The following DOCK2 variants were observed in gnomAD, a reference collection of about 807,000 sequenced individuals.
The protein encoded by DOCK2 is dedicator of cytokinesis protein 2.
A neutral mutation model predicts 248.9 loss-of-function variants in DOCK2; 87 were observed. That is an observed-to-expected ratio of 0.35 (90% confidence interval 0.29 to 0.42). The LOEUF (loss-of-function observed/expected upper bound fraction) is 0.42. DOCK2 is among the 10% of genes least tolerant of loss of function. The pLI is 1.00. For synonymous variants in DOCK2, 805 were observed against 821.6 expected, an observed-to-expected ratio of 0.98 and a Z score of 0.35; for missense variants, 1,747 against 2,300.2, an observed-to-expected ratio of 0.76 and a Z score of 4.92.
At chr5:169,985,395 A>C in intron 28 of DOCK2, among the ~76,000 whole-genome samples, 1 of 83,946 alleles carries the variant, frequency 1.2e-5, no homozygotes. Flanking sequence ...GTGTGTGTGT[A>C]TGTGTGTGAC....
At chr5:169,844,381 C>T (rs557649029) in intron 27 of DOCK2, among the ~76,000 whole-genome samples, 6 of 152,304 alleles carry the variant, frequency 3.9e-5, no homozygotes, top group East Asian at 1.9e-4. Context: ...ACTGTGTGTG[C>T]GTGATGGGGC....
At chr5:169,978,565 A>G (rs1463565237) in intron 27 of DOCK2, among the ~76,000 whole-genome samples, 1 of 152,118 alleles carries the variant, frequency 6.6e-6, no homozygotes, top group Non-Finnish European at 1.5e-5. Flanking sequence ...CCTGATCACA[A>G]TCACCTAGTA....
chr5:170,013,905 A>C (rs1283062587), intron 32 of DOCK2, among the ~76,000 whole-genome samples: 2 of 152,112 alleles, frequency 1.3e-5, no homozygotes, highest in Non-Finnish European at 2.9e-5. Flanking sequence ...ATTGCACTGA[A>C]TAGTTACCTA....
At chr5:169,856,466 A>G (rs1770900456) in intron 27 of DOCK2, among the ~76,000 whole-genome samples, 1 of 152,174 alleles carries the variant, frequency 6.6e-6, no homozygotes, top group Non-Finnish European at 1.5e-5. Context: ...GGTGCATATT[A>G]GTGGAGATGA....
chr5:169,706,828 G>A (rs889151831), intron 14 of DOCK2, among the ~76,000 whole-genome samples: 4 of 152,168 alleles, frequency 2.6e-5, no homozygotes, highest in South Asian at 2.1e-4. Context: ...TCCATACCTC[G>A]GAAGCACAAG....
chr5:169,852,404 G>A (rs1229999890), intron 27 of DOCK2, among the ~76,000 whole-genome samples: 1 of 152,184 alleles, frequency 6.6e-6, no homozygotes, highest in Non-Finnish European at 1.5e-5. Flanking sequence ...CTCCATCCCT[G>A]ACATTGCTTT....
At chr5:169,982,009 T>A (rs141463334) in intron 27 of DOCK2, among the ~76,000 whole-genome samples, 1 of 152,120 alleles carries the variant, frequency 6.6e-6, no homozygotes, top group Admixed American at 6.5e-5. Flanking sequence ...TATTTGTTAT[T>A]TTATTAACAA....
At chr5:169,897,860 A>G (rs768166713) in intron 27 of DOCK2, among the ~76,000 whole-genome samples, 1 of 152,142 alleles carries the variant, frequency 6.6e-6, no homozygotes, top group Non-Finnish European at 1.5e-5. Flanking sequence ...AGAGGAGTGG[A>G]CTCTCAAAAG....
At chr5:169,998,929 A>G (rs988530957) in intron 30 of DOCK2, among the ~76,000 whole-genome samples, 2 of 152,206 alleles carry the variant, frequency 1.3e-5, no homozygotes, top group African/African-American at 4.8e-5. Context: ...GGGTATGTTT[A>G]GGGAAGTTTC....
chr5:169,698,904 A>C (rs993000293), intron 11 of DOCK2, among the ~76,000 whole-genome samples: 1 of 152,182 alleles, frequency 6.6e-6, no homozygotes, highest in Admixed American at 6.5e-5. Flanking sequence ...AGACGTATCC[A>C]TGACTTAGGA....
intron 27 of DOCK2, among the ~76,000 whole-genome samples, chr5:169,939,051 G>GCC (rs1776118671): frequency 2.0e-5 from 3 of 151,138 alleles, no homozygotes; most frequent in Admixed American, 6.6e-5. Context: ...CTACAGGCAT[G>GCC]CACCACCACG....
At chr5:169,883,071 A>G in intron 27 of DOCK2, 2 of 1,551,682 alleles carry the variant, frequency 1.3e-6, no homozygotes, top group Non-Finnish European at 1.7e-6. Flanking sequence ...AAAGCAATTC[A>G]GGTTTAAGTT....
chr5:169,689,430 G>A, intron 9 of DOCK2, 97 bp downstream of exon 9: 1 of 1,272,194 alleles, frequency 7.9e-7, no homozygotes, highest in Non-Finnish European at 1.1e-6. Context: ...AAGTGTGGCT[G>A]TCCTGCAGAG....
At chr5:169,682,187 G>C (rs962366047) in intron 7 of DOCK2, among the ~76,000 whole-genome samples, 75 of 152,368 alleles carry the variant, frequency 4.9e-4, no homozygotes, top group African/African-American at 1.8e-3. Context: ...ATTAATTCCA[G>C]ATGAGTGTAT....
Position 169,637,295 on chromosome 5 carries a change from C to G in DOCK2, c.-32C>G, listed in dbSNP as rs1227139775. ...CGCCCAGCCACCCCCTGACGGCTTC[C>G]CCACGGGAGGACGCGAGGCCCCGGC... On this transcript the variant is annotated 5_prime_UTR_variant, in exon 1 of 52. Coordinates refer to ENST00000520908, the MANE Select transcript of DOCK2 (RefSeq NM_004946.3). 1.4e-6 allele frequency: 2 copies of G among 1,431,870 alleles called. No individual in the cohort carries two copies. The highest frequency in any genetic ancestry group is 1.5e-5 in the African/African-American group (1 of 67,178). The allele number at this position is 1,431,870 out of a possible 1,614,324, so 88.7% of individuals were successfully genotyped here.
chr5:169,774,082 T>A (rs2113779231), intron 25 of DOCK2, among the ~76,000 whole-genome samples: 1 of 152,302 alleles, frequency 6.6e-6, no homozygotes, highest in African/African-American at 2.4e-5. Flanking sequence ...ATCCTGAGAC[T>A]TTTATGTTGA....
At chr5:169,879,952 G>A (rs1312351585) in intron 27 of DOCK2, among the ~76,000 whole-genome samples, 1 of 152,184 alleles carries the variant, frequency 6.6e-6, no homozygotes, top group Admixed American at 6.5e-5. Context: ...AAATTTAAAT[G>A]GAGGTTAGTT....
At chr5:169,737,786 C>T (rs1168707517) in intron 22 of DOCK2, among the ~76,000 whole-genome samples, 1 of 152,218 alleles carries the variant, frequency 6.6e-6, no homozygotes, top group Non-Finnish European at 1.5e-5. Flanking sequence ...GGCATGGAAG[C>T]TCCGCATACC....
At position 169,684,179 on chromosome 5, in the gene DOCK2, T is replaced by C; in HGVS notation, c.607-17T>C. 6.2e-7 allele frequency: 1 copy of C among 1,613,194 alleles called. No individual in the cohort carries two copies. The highest frequency in any genetic ancestry group is 8.5e-7 in the Non-Finnish European group (1 of 1,179,314). On this transcript the variant is annotated splice_polypyrimidine_tract_variant and intron_variant, in intron 7 of 51. Coordinates refer to ENST00000520908, the MANE Select transcript of DOCK2 (RefSeq NM_004946.3). ...TAATTTTCTCCATCTTCTTTCCTTC[T>C]TCCTTCTGCCTTTCAGTCAAAAGAC...
Sources: allele counts gnomAD v4.1 joint callset (sites outside exome capture counted in the v4.1 genomes callset), GRCh38; gene constraint gnomAD v4.1.1; transcripts MANE v1.5; gene names NCBI Gene and HGNC (gene_info 2026-07-23, HGNC 2026-07-21).